The following XKR6 variants were observed in gnomAD, a reference collection of about 807,000 sequenced individuals.
XKR6 encodes the protein XK-related protein 6.
XKR6 carries 22 observed loss-of-function variants against 56.7 expected under a neutral mutation model. The observed-to-expected ratio is 0.39, with a 90% CI of 0.28 to 0.55. The LOEUF is 0.55. Among genes scored for constraint, XKR6 ranks in the 20% least tolerant of loss-of-function variants. The pLI, the probability that XKR6 is intolerant of heterozygous loss-of-function variation, is 0.66. For missense variants in XKR6, 852 were observed against 889.0 expected (o/e 0.96, Z 0.53); for synonymous variants, 524 against 387.8 (o/e 1.35, Z -4.13).
chr8:11,003,935 T>C (rs1454609852), intron 1 of XKR6, among the ~76,000 whole-genome samples: 2 of 152,092 alleles, frequency 1.3e-5, no homozygotes, highest in Non-Finnish European at 2.9e-5. Flanking sequence ...GGGATGGCCA[T>C]ATACTTCAAG....
chr8:11,059,104 T>A (rs1799761201), intron 1 of XKR6, among the ~76,000 whole-genome samples: 1 of 151,970 alleles, frequency 6.6e-6, no homozygotes, highest in South Asian at 2.1e-4. Context: ...CCAGGCCTCC[T>A]ATCCAGACCA....
intron 1 of XKR6, among the ~76,000 whole-genome samples, chr8:10,980,556 T>G (rs993414013): frequency 2.6e-5 from 4 of 152,220 alleles, no homozygotes; most frequent in Admixed American, 2.6e-4. Context: ...GGATTATGAT[T>G]GATGGATTTT....
chr8:11,087,421 T>C (rs1041978021), intron 1 of XKR6, among the ~76,000 whole-genome samples: 5 of 152,306 alleles, frequency 3.3e-5, no homozygotes, highest in East Asian at 1.9e-4. Context: ...AGCAGTCCCA[T>C]TCCTCTGGCC....
At chr8:11,090,144 T>A (rs2409695) in intron 1 of XKR6, among the ~76,000 whole-genome samples, 30,669 of 152,192 alleles carry the variant, frequency 0.2, 4,051 homozygotes, top group Non-Finnish European at 0.3. Context: ...AGTGCAGTGG[T>A]GCAAATTATA....
rs778172698 is a variant in XKR6, at chr8:11,200,629, G to C, written c.711C>G (p.Ser237=). The change falls in exon 1 of 3, where the codon TCC becomes TCG. Residue 237 remains serine (S), a synonymous_variant. Coordinates refer to ENST00000416569, the MANE Select transcript of XKR6 (RefSeq NM_173683.4). The surrounding 1 kb of genome is among the most constrained non-coding windows in gnomAD (Gnocchi z 6.4). Reference sequence around the variant, plus strand: ...GGATGACCGACTGCCAGATCCACACGGAGAGGCGACACAGGCGCTGCGCCC... The same window carrying C: ...GGATGACCGACTGCCAGATCCACACCGAGAGGCGACACAGGCGCTGCGCCC... ...TPGAQRLCRL[S]VWIWQSVIHL... 1.2e-5 allele frequency: 18 copies of C among 1,550,440 alleles called. No individual in the cohort carries two copies. The highest frequency in any genetic ancestry group is 2.9e-5 in the African/African-American group (2 of 69,656).
intron 1 of XKR6, among the ~76,000 whole-genome samples, chr8:10,995,136 G>A (rs1798080618): frequency 1.3e-5 from 2 of 152,162 alleles, no homozygotes; most frequent in African/African-American, 4.8e-5. Context: ...AGGATGTATA[G>A]ACGAGAGCAT....
chr8:11,044,013 GC>G (rs1799348347), intron 1 of XKR6, among the ~76,000 whole-genome samples: 1 of 152,176 alleles, frequency 6.6e-6, no homozygotes, highest in Non-Finnish European at 1.5e-5. Context: ...CTCAAGATAA[GC>G]AATAGTAAAC....
At chr8:11,043,139 T>C (rs1460656769) in intron 1 of XKR6, among the ~76,000 whole-genome samples, 1 of 151,810 alleles carries the variant, frequency 6.6e-6, no homozygotes, top group Non-Finnish European at 1.5e-5. Flanking sequence ...GAGGATAAAA[T>C]ATTTAAACCT....
chr8:11,061,011 G>A (rs1327769927), intron 1 of XKR6, among the ~76,000 whole-genome samples: 1 of 152,208 alleles, frequency 6.6e-6, no homozygotes, highest in Non-Finnish European at 1.5e-5. Context: ...CAGGTCTAAA[G>A]CCTGTATTCT....
At chr8:11,038,785 T>C (rs1377860609) in intron 1 of XKR6, among the ~76,000 whole-genome samples, 3 of 151,974 alleles carry the variant, frequency 2.0e-5, no homozygotes, top group Admixed American at 2.0e-4. Flanking sequence ...AAGTGATCCT[T>C]CCACCTGAGA....
At position 10,897,198 on chromosome 8, in the gene XKR6, C is replaced by G. The variant is rs1278993181; in HGVS notation, c.*754G>C. 6.6e-6 allele frequency: 1 copy of G among 152,594 alleles called. No homozygotes were observed. The highest frequency in any genetic ancestry group is 1.9e-4 in the East Asian group (1 of 5,198). The allele number at this position is 152,594 out of a possible 1,614,324, so 9.5% of individuals were successfully genotyped here. On this transcript the variant is annotated 3_prime_UTR_variant, in exon 3 of 3. Transcript: ENST00000416569. ...ATTTGAGTTTCAAACAGCCCTTGAGCTCCTAGAAGGCTCTGCAAAGTGGGG... is the reference window on the plus strand; with the variant it reads ...ATTTGAGTTTCAAACAGCCCTTGAGGTCCTAGAAGGCTCTGCAAAGTGGGG...
At chr8:11,164,954 G>T (rs1394880002) in intron 1 of XKR6, among the ~76,000 whole-genome samples, 1 of 152,110 alleles carries the variant, frequency 6.6e-6, no homozygotes, top group African/African-American at 2.4e-5. Context: ...CTAATAGGAG[G>T]TTTAAAGGAG....
chr8:11,126,060 G>GTTTTTTTTTT (rs1211893012), intron 1 of XKR6: 1 of 146,206 alleles, frequency 6.8e-6, no homozygotes, highest in Non-Finnish European at 1.5e-5. Context: ...GGTGGTTTTT[G>GTTTTTTTTTT]TTTTTTTTTT....
At chr8:11,158,758 G>C (rs1199859646) in intron 1 of XKR6, among the ~76,000 whole-genome samples, 1 of 152,160 alleles carries the variant, frequency 6.6e-6, no homozygotes, top group African/African-American at 2.4e-5. Context: ...TGACGAAACG[G>C]ACAGACACAG....
chr8:10,958,653 G>C (rs1326394472), intron 1 of XKR6, among the ~76,000 whole-genome samples: 2 of 152,216 alleles, frequency 1.3e-5, no homozygotes, highest in African/African-American at 2.4e-5. Flanking sequence ...ACACAGGCAG[G>C]AGCCTGGACT....
intron 1 of XKR6, among the ~76,000 whole-genome samples, chr8:11,058,374 C>A (rs1021269412): frequency 1.3e-5 from 2 of 152,116 alleles, no homozygotes; most frequent in African/African-American, 4.8e-5. Context: ...CACATGCACA[C>A]GTATGTTTAT....
At chr8:11,093,823 G>C (rs540910119) in intron 1 of XKR6, among the ~76,000 whole-genome samples, 9 of 151,668 alleles carry the variant, frequency 5.9e-5, no homozygotes, top group African/African-American at 2.2e-4. Flanking sequence ...TCGCTCTGTC[G>C]CACAGGCTGG....
chr8:10,925,783 C>G (rs1169285291), intron 1 of XKR6, among the ~76,000 whole-genome samples: 2 of 152,136 alleles, frequency 1.3e-5, no homozygotes, highest in Non-Finnish European at 2.9e-5. Flanking sequence ...GTCGGCATCT[C>G]CCCAGGTCAT....
chr8:10,920,582 A>G (rs1800680623), intron 2 of XKR6, among the ~76,000 whole-genome samples: 1 of 152,214 alleles, frequency 6.6e-6, no homozygotes, highest in Admixed American at 6.5e-5. Context: ...TCTGATGACT[A>G]AACTGATTTT....
Sources: gnomAD v4.1 joint callset for allele counts (sites outside exome capture counted in the v4.1 genomes callset) on GRCh38, gnomAD v4.1.1 for gene constraint, Gnocchi (gnomAD v3.1) non-coding constraint, MANE v1.5 for transcripts, NCBI Gene and HGNC (gene_info 2026-07-23, HGNC 2026-07-21) for gene names.